Variants in FER1L5 observed in about 807,000 individuals in gnomAD.
FER1L5 encodes the protein fer-1-like protein 5.
Under a neutral mutation model 279.9 loss-of-function variants are expected in FER1L5, and 187 were observed. The ratio of observed to expected loss-of-function variants is 0.67; its 90% CI spans 0.59 to 0.75. FER1L5 has a LOEUF of 0.75. FER1L5 is among the 30% of genes least tolerant of loss of function. The probability of loss-of-function intolerance (pLI) is 0.00; values close to 1 mark genes in which losing one functional copy is unlikely to be tolerated. For synonymous variants in FER1L5, 921 were observed against 989.7 expected (o/e 0.93, Z 1.30); for missense variants, 2,091 against 2,594.4 (o/e 0.81, Z 4.21).
intron 7 of FER1L5, 93 bp downstream of exon 7, chr2:96,652,113 C>A (rs764161789): frequency 6.6e-7 from 1 of 1,510,508 alleles, no homozygotes; most frequent in Non-Finnish European, 9.0e-7. Flanking sequence ...ACTAGGGTGT[C>A]TTCATGTGTT....
intron 18 of FER1L5, 60 bp from the exon 19 acceptor site, chr2:96,673,017 G>A: frequency 6.7e-7 from 1 of 1,503,414 alleles, no homozygotes. Flanking sequence ...CTCCCTGCCT[G>A]TCAATATAAC....
At chr2:96,658,605 C>T (rs2075695773) in intron 9 of FER1L5, among the ~76,000 whole-genome samples, 1 of 152,076 alleles carries the variant, frequency 6.6e-6, no homozygotes, top group Non-Finnish European at 1.5e-5. Flanking sequence ...TCCAAAATTC[C>T]AAACAGGTTC....
At position 96,686,108 on chromosome 2, in the gene FER1L5, G is replaced by C; in HGVS notation, c.2064G>C (p.Val688=). The C allele has an allele frequency of 6.4e-7, 1 of 1,550,744 alleles. No individual in the cohort carries two copies. Among genetic ancestry groups the C allele is most frequent in the Non-Finnish European group, 8.7e-7 (1 of 1,146,540 alleles). The change falls in exon 22 of 53, where the codon GTG becomes GTC. Residue 688 remains valine (V), a synonymous_variant. Transcript: ENST00000624922. ...ACTGGCTGTACCGCCTCAACACCGT[G>C]CTCCCTGAGGTGGGTGCTGCACACA... is the stretch of plus-strand genomic sequence containing the variant. ...AEDWLYRLNT[V]LPEPQMGLPD...
chr2:96,669,276 A>T, intron 17 of FER1L5, 139 bp downstream of exon 17: 1 of 779,678 alleles, frequency 1.3e-6, no homozygotes, highest in Non-Finnish European at 2.0e-6. Flanking sequence ...AAGCCTGTCC[A>T]TGAGCAGCCA....
Position 96,670,120 on chromosome 2 carries a change from G to A in FER1L5, c.1364G>A (p.Cys455Tyr), listed in dbSNP as rs529696002. The change falls in exon 18 of 53, where the codon TGT (cysteine) becomes TAT (tyrosine). Residue 455 changes from cysteine to tyrosine, a missense_variant and splice_region_variant. Transcript: ENST00000624922. ...CCGTTTTCCTCTCGCTTGCCCTAGT[G>A]TATTCCCGACTCTGTTAGGGATGGT... is the stretch of plus-strand genomic sequence containing the variant. Reference protein sequence around the residue: ...APFRIQEEGACIPDSVRDGLA... With the variant: ...APFRIQEEGAYIPDSVRDGLA... 3.2e-5 allele frequency: 50 copies of A among 1,551,582 alleles called. No homozygotes were observed. The East Asian group carries it at 1.1e-3, about 34-fold the overall frequency.
At chr2:96,687,536 A>G (rs966164785) in intron 23 of FER1L5, among the ~76,000 whole-genome samples, 1 of 152,194 alleles carries the variant, frequency 6.6e-6, no homozygotes, top group Non-Finnish European at 1.5e-5. Context: ...TAACAAGCAC[A>G]CAAGGAATGT....
chr2:96,648,294 G>C (rs2075221590), intron 4 of FER1L5, among the ~76,000 whole-genome samples: 1 of 152,234 alleles, frequency 6.6e-6, no homozygotes, highest in Admixed American at 6.5e-5. Context: ...TAAGACATTG[G>C]AAATGTAGGG....
intron 13 of FER1L5, among the ~76,000 whole-genome samples, chr2:96,662,620 G>A (rs1231947006): frequency 6.6e-6 from 1 of 152,210 alleles, no homozygotes; most frequent in African/African-American, 2.4e-5. Context: ...ATACGGAATA[G>A]CATTTTCCAA....
intron 17 of FER1L5, 88 bp downstream of exon 17, chr2:96,669,225 C>G: frequency 7.7e-7 from 1 of 1,302,888 alleles, no homozygotes; most frequent in Non-Finnish European, 1.0e-6. Context: ...CCCGAGGCCC[C>G]GGCCCTGGTT....
chr2:96,702,134 G>A lies in FER1L5; in HGVS notation c.5159+91G>A. ...CACTGTCCTCAGGTACTGAGCTGCAGTAATTCGTTTCTCTATTGGGAAGAG... is the reference window on the plus strand; with the variant it reads ...CACTGTCCTCAGGTACTGAGCTGCAATAATTCGTTTCTCTATTGGGAAGAG... On this transcript the variant is annotated intron_variant, in intron 46 of 52. Coordinates refer to ENST00000624922, the MANE Select transcript of FER1L5 (RefSeq NM_001293083.2). This position sits in a 1 kb window ranked among gnomAD's most constrained non-coding sequence, Gnocchi z 4.0. The A allele has an allele frequency of 1.3e-6, 2 of 1,571,986 alleles. No homozygotes were observed. The highest frequency in any genetic ancestry group is 2.3e-5 in the South Asian group (2 of 87,708).
chr2:96,692,533 G>T (rs2077193683), intron 31 of FER1L5, among the ~76,000 whole-genome samples: 1 of 152,256 alleles, frequency 6.6e-6, no homozygotes, highest in Non-Finnish European at 1.5e-5. Context: ...CTCCATCCCA[G>T]TGGTGGCCAC....
intron 8 of FER1L5, chr2:96,654,055 C>G (rs1244369050): frequency 2.7e-6 from 1 of 365,906 alleles, no homozygotes; most frequent in Non-Finnish European, 4.9e-6. Context: ...TTATCAGGTG[C>G]CTACTATGTG....
intron 9 of FER1L5, among the ~76,000 whole-genome samples, chr2:96,659,458 T>TTTCTTTCTTTCTTTCTTTCTTTCTTTC (rs2075838077): frequency 1.1e-4 from 3 of 27,060 alleles, no homozygotes; most frequent in Admixed American, 6.0e-4. Flanking sequence ...TCTTTCTTTC[T>TTTCTTTCTTTCTTTCTTTCTTTCTTTC]TTCTTTCTTT....
At chr2:96,662,740 C>T (rs2075997750) in intron 13 of FER1L5, among the ~76,000 whole-genome samples, 1 of 152,152 alleles carries the variant, frequency 6.6e-6, no homozygotes, top group Non-Finnish European at 1.5e-5. Context: ...GAATTTCTAC[C>T]ATATTCTATT....
At position 96,653,808 on chromosome 2, in the gene FER1L5, A is replaced by G. The variant is rs949711791; in HGVS notation, c.696+106A>G. 1.7e-5 allele frequency: 13 copies of G among 782,580 alleles called. No homozygotes were observed. In the Admixed American group the frequency reaches 3.4e-4, roughly 20 times the overall value. The allele number at this position is 782,580 out of a possible 1,614,324, so 48.5% of individuals were successfully genotyped here. On this transcript the variant is annotated intron_variant, in intron 8 of 52. Transcript: ENST00000624922. Reference sequence around the variant, plus strand: ...ACCCTTAGAGCCAGGGGCACTTCAGATTGTCTTCCTGATCCCCACCACTTT... The same window carrying G: ...ACCCTTAGAGCCAGGGGCACTTCAGGTTGTCTTCCTGATCCCCACCACTTT...
chr2:96,679,914 T>C (rs945963874), intron 19 of FER1L5, among the ~76,000 whole-genome samples: 3 of 152,182 alleles, frequency 2.0e-5, no homozygotes, highest in Non-Finnish European at 4.4e-5. Context: ...TTTTTGTTTT[T>C]TCTTCTACTT....
intron 9 of FER1L5, among the ~76,000 whole-genome samples, chr2:96,658,717 T>C (rs1411424139): frequency 5.3e-5 from 8 of 152,134 alleles, no homozygotes; most frequent in African/African-American, 1.7e-4. Context: ...GCCATTCTAA[T>C]GGTGTGTAGT....
intron 51 of FER1L5, 95 bp downstream of exon 51, chr2:96,703,727 A>T: frequency 2.9e-6 from 3 of 1,021,918 alleles, no homozygotes; most frequent in Non-Finnish European, 4.5e-6. Flanking sequence ...GGTGGTAATT[A>T]CCTCCCACCC....
At chr2:96,695,437 C>T in intron 34 of FER1L5, 72 bp from the exon 35 acceptor site, 1 of 1,493,202 alleles carries the variant, frequency 6.7e-7, no homozygotes, top group Non-Finnish European at 8.9e-7. Flanking sequence ...CCTCAGCCCC[C>T]TTCTCTGGCC....
Sources: allele counts gnomAD v4.1 joint callset (sites outside exome capture counted in the v4.1 genomes callset), GRCh38; gene constraint gnomAD v4.1.1; non-coding constraint Gnocchi (gnomAD v3.1); transcripts MANE v1.5; gene names NCBI Gene and HGNC (gene_info 2026-07-23, HGNC 2026-07-21).